The following RNF126 variants were observed in gnomAD, a reference collection of about 807,000 sequenced individuals.
RNF126 encodes the protein ring finger protein 126.
Under a neutral mutation model 41.9 loss-of-function variants are expected in RNF126, and 20 were observed. The ratio of observed to expected loss-of-function variants is 0.48; its 90% CI spans 0.34 to 0.69. The LOEUF (loss-of-function observed/expected upper bound fraction) is 0.69, where lower values mean the gene tolerates loss of function less well. Among genes scored for constraint, RNF126 ranks in the 30% least tolerant of loss-of-function variants. The pLI is 0.01. For missense variants in RNF126, 433 were observed against 460.6 expected, an observed-to-expected ratio of 0.94 and a Z score of 0.55; for synonymous variants, 239 against 202.9, an observed-to-expected ratio of 1.18 and a Z score of -1.51.
At chr19:648,578 G>A (rs914893046) in intron 7 of RNF126, 91 bp from the exon 8 acceptor site, 33 of 1,045,206 alleles carry the variant, frequency 3.2e-5, no homozygotes, top group Admixed American at 2.7e-4. Context: ...GCCGGAGGCC[G>A]CCCCTGAGCC....
chr19:650,356 G>A, intron 4 of RNF126, 60 bp from the exon 5 acceptor site: 1 of 1,481,108 alleles, frequency 6.8e-7, no homozygotes, highest in Admixed American at 2.0e-5. Flanking sequence ...GAGGCGCCAG[G>A]CCTGCCAGGT....
Position 648,224 on chromosome 19 carries a change from C to T in RNF126, c.840G>A (p.Thr280=), listed in dbSNP as rs14218. ...RKSLTGQNTA[T]NPPGLTGVSF... The stretch of plus-strand genomic sequence containing the variant: ...TCACCCCAGTGAGGCCAGGGGGGTT[C>T]GTGGCCGTGTTCTGTCCCGTGAGGC... The change falls in exon 9 of 9, where the codon ACG becomes ACA. Residue 280 remains threonine, a synonymous_variant. Transcript: ENST00000292363. The T allele has an allele frequency of 8.7e-4, 1,396 of 1,599,770 alleles. 3 individuals carry two copies. The highest frequency in any genetic ancestry group is 3.5e-3 in the South Asian group (310 of 88,782).
At chr19:651,297 A>G (rs936791105) in intron 4 of RNF126, 1 of 231,618 alleles carries the variant, frequency 4.3e-6, no homozygotes, top group Non-Finnish European at 8.3e-6. Flanking sequence ...CGGCTCCCCC[A>G]GGCTCTGTTC....
In RNF126 at chr19:652,267, G is replaced by A; in HGVS notation, c.164C>T (p.Thr55Ile). Residue 55 changes from threonine to isoleucine, a missense_variant, in exon 3 of 9, where the codon ACA (threonine) becomes ATA (isoleucine). By Grantham distance (89) the Thr-to-Ile change is moderately conservative. This residue lies in a region of RNF126 where 247 missense variants were observed against 224.7 expected (regional missense o/e 1.10). Transcript: ENST00000292363. ...TGGCCGGCTCTGGTCTGTGGGAGCT[G>A]TGGAGGGGGCAGAACCATTTTCTGT... ...RSTENGSAPS[T>I]APTDQSRPPL... The A allele has an allele frequency of 6.4e-7, 1 of 1,553,858 alleles. No homozygotes were observed. Among genetic ancestry groups the A allele is most frequent in the South Asian group, 1.2e-5 (1 of 80,914 alleles).
chr19:654,730 G>A (rs908301406), intron 1 of RNF126, among the ~76,000 whole-genome samples: 2 of 150,452 alleles, frequency 1.3e-5, no homozygotes, highest in Non-Finnish European at 2.9e-5. Context: ...ACTTTGGGAG[G>A]CCGAGGCAGG....
At chr19:648,755 G>C in intron 7 of RNF126, 127 bp downstream of exon 7, 3 of 673,438 alleles carry the variant, frequency 4.5e-6, no homozygotes, top group Non-Finnish European at 4.9e-6. Context: ...GATCACCTGA[G>C]GTCAGGAGTT....
At chr19:650,573 A>G (rs1339232744) in intron 4 of RNF126, 9 of 219,488 alleles carry the variant, frequency 4.1e-5, no homozygotes. Flanking sequence ...GAGGTCCACC[A>G]CTCTCGGCTA....
chr19:653,478 C>G (rs116150192), intron 1 of RNF126, among the ~76,000 whole-genome samples: 2 of 152,254 alleles, frequency 1.3e-5, no homozygotes, highest in Admixed American at 1.3e-4. Context: ...TTCACAGTTC[C>G]CCAGCACCAG....
At chr19:658,031 C>T (rs1416230742) in intron 1 of RNF126, among the ~76,000 whole-genome samples, 1 of 151,998 alleles carries the variant, frequency 6.6e-6, no homozygotes, top group Admixed American at 6.5e-5. Context: ...CTGGGGGCCC[C>T]CACAGAGGCC....
At chr19:656,876 T>C (rs371175732) in intron 1 of RNF126, among the ~76,000 whole-genome samples, 4 of 152,190 alleles carry the variant, frequency 2.6e-5, no homozygotes, top group African/African-American at 9.7e-5. Flanking sequence ...GTGTCGGGTC[T>C]ATCGGGGCTC....
intron 1 of RNF126, among the ~76,000 whole-genome samples, chr19:660,715 C>T (rs919403738): frequency 2.6e-5 from 4 of 152,204 alleles, no homozygotes; most frequent in Non-Finnish European, 5.9e-5. Context: ...CCGCAGCCTC[C>T]ACCTCCCAGG....
At chr19:661,357 CAGG>C (rs2030792667) in intron 1 of RNF126, 1 of 152,436 alleles carries the variant, frequency 6.6e-6, no homozygotes, top group African/African-American at 2.4e-5. Context: ...GCAACTCACC[CAGG>C]CTGGCGGGCT....
At chr19:660,554 C>G (rs1417954546) in intron 1 of RNF126, among the ~76,000 whole-genome samples, 3 of 152,228 alleles carry the variant, frequency 2.0e-5, no homozygotes, top group Non-Finnish European at 4.4e-5. Context: ...CTGGTTGTGG[C>G]TGGGGACTTT....
At chr19:661,588 C>T (rs1034398492) in intron 1 of RNF126, among the ~76,000 whole-genome samples, 2 of 152,146 alleles carry the variant, frequency 1.3e-5, no homozygotes, top group African/African-American at 2.4e-5. Flanking sequence ...TCTTTCCACT[C>T]CTGGGCCTGG....
chr19:661,713 C>CT (rs998702223), intron 1 of RNF126, among the ~76,000 whole-genome samples: 3 of 152,230 alleles, frequency 2.0e-5, no homozygotes, highest in Non-Finnish European at 4.4e-5. Flanking sequence ...TCCCGGGGAA[C>CT]TGCACTGCTT....
chr19:648,146 G>A lies in RNF126; in HGVS notation c.918C>T (p.Asn306=), dbSNP rs371174038. ...SSSSSSPSNE[N]ATSNS ...CGTGGGCTCACGAGTTGCTTGTGGC[G>A]TTCTCGTTGCTGGGCGAGCTGGAGG... Residue 306 remains asparagine, a synonymous_variant, in exon 9 of 9, where the codon AAC becomes AAT. Transcript: ENST00000292363. 2.5e-5 allele frequency: 40 copies of A among 1,596,664 alleles called. No homozygotes were observed. Among genetic ancestry groups the A allele is most frequent in the Middle Eastern group, 1.7e-4 (1 of 5,988 alleles).
At chr19:650,107 G>A (rs2030200921) in intron 5 of RNF126, 127 bp downstream of exon 5, 1 of 805,194 alleles carries the variant, frequency 1.2e-6, no homozygotes, top group Non-Finnish European at 1.9e-6. Flanking sequence ...AGGGGCCCAG[G>A]CTGGGGATGG....
In RNF126 at chr19:649,230, G is replaced by GGC. The variant is rs1555680181; in HGVS notation, c.577-257_577-256dup. ...TCCCTGACAGCGGAATGGGGGGGGGGGCCGCGCTCCTGAGTGCCCTGACGG... is the reference window on the plus strand; with the variant it reads ...TCCCTGACAGCGGAATGGGGGGGGGGGCGCCGCGCTCCTGAGTGCCCTGACGG... On this transcript the variant is annotated intron_variant, in intron 6 of 8. Transcript: ENST00000292363. 2.3e-5 allele frequency: 6 copies of GGC among 258,862 alleles called. No individual in the cohort carries two copies. In the South Asian group the frequency reaches 5.8e-4, roughly 25 times the overall value. 16.0% of individuals were successfully genotyped at this position (258,862 alleles called of 1,614,324 possible). A position where few individuals can be genotyped will look rare whatever the true frequency, so the allele number is the denominator to read the frequency against.
intron 1 of RNF126, chr19:661,250 G>C (rs2030787850): frequency 1.3e-5 from 2 of 152,584 alleles, no homozygotes; most frequent in African/African-American, 4.8e-5. Context: ...GTGCAGCCGA[G>C]TCAAGGCAGT....
Sources: gnomAD v4.1 joint callset for allele counts (sites outside exome capture counted in the v4.1 genomes callset) on GRCh38, gnomAD v4.1.1 for gene constraint, gnomAD v4.1.1 regional missense constraint, MANE v1.5 for transcripts, NCBI Gene and HGNC (gene_info 2026-07-23, HGNC 2026-07-21) for gene names.